GSAP: variants seen among roughly 807,000 people sequenced by gnomAD.
The protein encoded by GSAP is gamma-secretase activating protein, also known as gamma-secretase-activating protein.
Under a neutral mutation model 131.7 loss-of-function variants are expected in GSAP, and 118 were observed. That is an observed-to-expected ratio of 0.90 (90% CI 0.77 to 1.04). The LOEUF (loss-of-function observed/expected upper bound fraction) is 1.04, where lower values mean the gene tolerates loss of function less well. Among genes scored for constraint, GSAP ranks in the 50% least tolerant of loss-of-function variants. The probability of loss-of-function intolerance (pLI) is 0.00; values close to 1 mark genes in which losing one functional copy is unlikely to be tolerated. For synonymous variants in GSAP, 381 were observed against 363.4 expected, an observed-to-expected ratio of 1.05 and a Z score of -0.55; for missense variants, 1,019 against 1,013.2, an observed-to-expected ratio of 1.01 and a Z score of -0.08.
chr7:77,381,854 G>A (rs1467316292), intron 7 of GSAP, among the ~76,000 whole-genome samples: 1 of 151,742 alleles, frequency 6.6e-6, no homozygotes, highest in Non-Finnish European at 1.5e-5. Flanking sequence ...GACAATCTGT[G>A]TAGATGGTCT....
intron 14 of GSAP, among the ~76,000 whole-genome samples, 157 bp from the exon 15 acceptor site, chr7:77,355,804 T>C (rs1246935297): frequency 2.7e-5 from 4 of 149,452 alleles, no homozygotes; most frequent in African/African-American, 7.6e-5. Flanking sequence ...TTTTTTTTTT[T>C]TTAAGACAGG....
At chr7:77,413,947 T>C (rs769637011) in intron 1 of GSAP, among the ~76,000 whole-genome samples, 65 of 152,186 alleles carry the variant, frequency 4.3e-4, no homozygotes, top group Non-Finnish European at 1.8e-4. Flanking sequence ...TTCTTTTATT[T>C]CAGGAGAAAC....
intron 19 of GSAP, among the ~76,000 whole-genome samples, chr7:77,336,450 A>G (rs775047214): frequency 4.6e-5 from 7 of 152,022 alleles, no homozygotes; most frequent in Non-Finnish European, 8.8e-5. Context: ...TGCTACAGAA[A>G]CAACAGGAAT....
chr7:77,397,758 C>G (rs1800662906), intron 3 of GSAP, among the ~76,000 whole-genome samples: 1 of 152,250 alleles, frequency 6.6e-6, no homozygotes, highest in South Asian at 2.1e-4. Flanking sequence ...TCTATCCCCC[C>G]ATTGGTAAAA....
At chr7:77,330,639 A>C in intron 19 of GSAP, 6 of 1,042,178 alleles carry the variant, frequency 5.8e-6, no homozygotes, top group Non-Finnish European at 6.9e-6. Flanking sequence ...CTCACTTCCC[A>C]AAACCAACAG....
chr7:77,333,145 G>A (rs981628547), intron 19 of GSAP, among the ~76,000 whole-genome samples: 3 of 152,106 alleles, frequency 2.0e-5, no homozygotes, highest in African/African-American at 4.8e-5. Flanking sequence ...CCAGCGTGGC[G>A]ACAGTGCGAG....
chr7:77,404,205 C>T (rs1023892622), intron 3 of GSAP, among the ~76,000 whole-genome samples: 1 of 152,222 alleles, frequency 6.6e-6, no homozygotes, highest in African/African-American at 2.4e-5. Context: ...AACAGCTTCA[C>T]CTAGTAGCTG....
At chr7:77,313,357 TG>T (rs1794620507) in intron 28 of GSAP, 130 bp downstream of exon 28, 2 of 606,542 alleles carry the variant, frequency 3.3e-6, no homozygotes, top group Non-Finnish European at 5.9e-6. Context: ...TGGGATTTCT[TG>T]GAAGTGTTGA....
In GSAP at chr7:77,314,460, C is replaced by T; in HGVS notation, c.2119G>A (p.Val707Ile). Reference protein sequence around the residue: ...GFHTLHTILGVQCLPLHNLLH... With the variant: ...GFHTLHTILGIQCLPLHNLLH... ...AGGTTATGCAAAGGGAGACACTGGA[C>T]CCCGAGGATGGTGTGCAGAGTATGA... is the stretch of plus-strand genomic sequence containing the variant. Residue 707 changes from valine (V) to isoleucine (I), a missense_variant, in exon 27 of 31, where the codon GTC (valine) becomes ATC (isoleucine). Physicochemically the swap from Val to Ile is conservative, Grantham distance 29 (BLOSUM62 3). Transcript: ENST00000257626. 1 of 1,613,782 alleles carries T rather than the reference C, an allele frequency of 6.2e-7. No individual in the cohort carries two copies. The highest frequency in any genetic ancestry group is 8.5e-7 in the Non-Finnish European group (1 of 1,179,772).
chr7:77,390,116 A>T (rs1799237748), intron 5 of GSAP, among the ~76,000 whole-genome samples: 2 of 152,128 alleles, frequency 1.3e-5, no homozygotes, highest in Non-Finnish European at 2.9e-5. Flanking sequence ...TCCTTCGCCC[A>T]CTTTTTGATG....
At chr7:77,324,244 C>T (rs991872252) in intron 23 of GSAP, among the ~76,000 whole-genome samples, 1 of 152,202 alleles carries the variant, frequency 6.6e-6, no homozygotes, top group Non-Finnish European at 1.5e-5. Flanking sequence ...CTCAACACAG[C>T]CCCTTGACAT....
chr7:77,344,144 G>C (rs1033764438), intron 19 of GSAP, among the ~76,000 whole-genome samples: 5 of 152,164 alleles, frequency 3.3e-5, no homozygotes, highest in Non-Finnish European at 5.9e-5. Context: ...CCTTCTGTCA[G>C]ATATAATTCC....
intron 3 of GSAP, among the ~76,000 whole-genome samples, chr7:77,402,402 GAA>G (rs56837016): frequency 0.13 from 15,450 of 121,218 alleles, 1,245 homozygotes; most frequent in East Asian, 0.31. Context: ...AAAGAAAAAA[GAA>G]AAAAAAAATA....
chr7:77,339,261 A>G (rs1226912727), intron 19 of GSAP, among the ~76,000 whole-genome samples: 1 of 152,120 alleles, frequency 6.6e-6, no homozygotes, highest in African/African-American at 2.4e-5. Flanking sequence ...GCTTGGAGTG[A>G]ATGGGTGGTA....
At chr7:77,369,453 G>A (rs1442702409) in intron 12 of GSAP, among the ~76,000 whole-genome samples, 3 of 152,122 alleles carry the variant, frequency 2.0e-5, no homozygotes, top group East Asian at 1.9e-4. Flanking sequence ...GAAGACAGCC[G>A]TCTTTATTTC....
At chr7:77,341,273 CA>C (rs1790863840) in intron 19 of GSAP, among the ~76,000 whole-genome samples, 1 of 152,112 alleles carries the variant, frequency 6.6e-6, no homozygotes, top group Non-Finnish European at 1.5e-5. Flanking sequence ...GTCTCCACCC[CA>C]AGCTCTGAGT....
At chr7:77,356,086 G>A (rs1461491435) in intron 14 of GSAP, among the ~76,000 whole-genome samples, 2 of 151,942 alleles carry the variant, frequency 1.3e-5, no homozygotes, top group African/African-American at 4.8e-5. Context: ...TGCCCAGGCT[G>A]GTCTTGAACT....
At chr7:77,338,627 A>AC (rs1790404615) in intron 19 of GSAP, among the ~76,000 whole-genome samples, 1 of 152,038 alleles carries the variant, frequency 6.6e-6, no homozygotes, top group Non-Finnish European at 1.5e-5. Flanking sequence ...GTTCGCTGTA[A>AC]CCTCATGTGG....
intron 5 of GSAP, among the ~76,000 whole-genome samples, chr7:77,391,254 G>A (rs1799490425): frequency 6.6e-6 from 1 of 151,752 alleles, no homozygotes. Flanking sequence ...TTTAAAATGG[G>A]AAGATCTTTG....
Sources: allele counts gnomAD v4.1 joint callset (sites outside exome capture counted in the v4.1 genomes callset), GRCh38; gene constraint gnomAD v4.1.1; transcripts MANE v1.5; gene names NCBI Gene and HGNC (gene_info 2026-07-23, HGNC 2026-07-21).